Variants in TBC1D10A observed in about 807,000 individuals in gnomAD.
TBC1D10A encodes the protein EBP50-PDX interactor of 64 kDa.
TBC1D10A carries 24 observed loss-of-function variants against 52.9 expected under a neutral mutation model. That is an observed-to-expected ratio of 0.45 (90% CI 0.33 to 0.64). TBC1D10A has a LOEUF of 0.64. Among genes scored for constraint, TBC1D10A ranks in the 30% least tolerant of loss-of-function variants. The pLI is 0.02. For missense variants in TBC1D10A, 602 were observed against 687.9 expected (o/e 0.88, Z 1.40); for synonymous variants, 278 against 282.9 (o/e 0.98, Z 0.17).
chr22:30,294,197 C>A, intron 6 of TBC1D10A, 87 bp from the exon 7 acceptor site: 1 of 1,477,112 alleles, frequency 6.8e-7, no homozygotes, highest in Non-Finnish European at 9.2e-7. Flanking sequence ...GCACCCAGCA[C>A]CCAGCAGGCT....
In TBC1D10A at chr22:30,292,652, G is replaced by C. The variant is rs955418134; in HGVS notation, c.1250C>G (p.Pro417Arg). Residue 417 changes from proline to arginine, a missense_variant, in exon 9 of 9, where the codon CCC (proline) becomes CGC (arginine). Pro to Arg is a moderately radical substitution (Grantham distance 103). Transcript: ENST00000215790. ...SPSIRLPLDA[P>R]LPGSKAKPKP... is the part of the protein sequence containing the mutation. ...GGGCTTGGCTTTGGAGCCAGGGAGG[G>C]GGGCATCTAGGGGCAGGCGGATGGA... 3 of 1,610,796 alleles carry C rather than the reference G, an allele frequency of 1.9e-6. No individual in the cohort carries two copies. Among genetic ancestry groups the C allele is most frequent in the Admixed American group, 1.7e-5 (1 of 59,788 alleles).
At chr22:30,323,106 T>C (rs1045628525) in intron 1 of TBC1D10A, among the ~76,000 whole-genome samples, 3 of 151,902 alleles carry the variant, frequency 2.0e-5, no homozygotes, top group African/African-American at 7.3e-5. Context: ...AGTTTCACCA[T>C]GTTGCCCAGG....
intron 2 of TBC1D10A, among the ~76,000 whole-genome samples, chr22:30,303,485 C>T (rs1472300651): frequency 6.6e-6 from 1 of 152,240 alleles, no homozygotes; most frequent in Admixed American, 6.5e-5. Context: ...AGGATTATCA[C>T]TCCCATTTGG....
chr22:30,325,648 G>A (rs992959821), intron 1 of TBC1D10A, among the ~76,000 whole-genome samples: 3 of 152,110 alleles, frequency 2.0e-5, no homozygotes, highest in South Asian at 2.1e-4. Context: ...GCCTGGGCTC[G>A]GGGGATTCTG....
chr22:30,299,759 G>A, intron 2 of TBC1D10A: 23 of 442,324 alleles, frequency 5.2e-5, no homozygotes, highest in South Asian at 4.7e-4. Flanking sequence ...CTGAGTTCAG[G>A]AGTTTGAGAC....
intron 1 of TBC1D10A, among the ~76,000 whole-genome samples, chr22:30,320,426 G>C (rs967721484): frequency 1.3e-5 from 2 of 152,130 alleles, no homozygotes; most frequent in Non-Finnish European, 2.9e-5. Flanking sequence ...GGGACTTAGG[G>C]ACAGTAAGCA....
At chr22:30,322,120 T>C (rs1208122752) in intron 1 of TBC1D10A, among the ~76,000 whole-genome samples, 1 of 151,990 alleles carries the variant, frequency 6.6e-6, no homozygotes, top group Non-Finnish European at 1.5e-5. Flanking sequence ...GCTGGGATTA[T>C]GGGCGTGAGC....
rs751495658 is a variant in TBC1D10A, at chr22:30,293,937, G to A, written c.879C>T (p.Asp293=). The change falls in exon 7 of 9, where the codon GAC becomes GAT. Residue 293 remains aspartate, a synonymous_variant. Transcript: ENST00000215790. The part of the protein sequence containing the change: ...LPWSSVLRVW[D]MFFCEGVKII... ...GCCCAGTACCTTCACAGAAGAACATGTCCCAGACACGCAGCACAGAGCTCC... is the reference window on the plus strand; with the variant it reads ...GCCCAGTACCTTCACAGAAGAACATATCCCAGACACGCAGCACAGAGCTCC... The A allele has an allele frequency of 5.6e-6, 9 of 1,613,682 alleles. No homozygotes were observed. The highest frequency in any genetic ancestry group is 1.6e-4 in the Middle Eastern group (1 of 6,082).
chr22:30,292,694 G>T lies in TBC1D10A; in HGVS notation c.1208C>A (p.Ala403Asp). The change falls in exon 9 of 9, where the codon GCC becomes GAC. Residue 403 changes from alanine to aspartate, a missense_variant. This residue lies in a region of TBC1D10A where 265 missense variants were observed against 275.1 expected (regional missense o/e 0.96). Coordinates refer to ENST00000215790, the MANE Select transcript of TBC1D10A (RefSeq NM_031937.3). Reference sequence around the variant, plus strand: ...GCGGATGGATGGTGAAGGTTGTAGGGCAGGCCGGGGACCAGGTTCTGCATC... The same window carrying T: ...GCGGATGGATGGTGAAGGTTGTAGGTCAGGCCGGGGACCAGGTTCTGCATC... ...ILDAEPGPRPALQPSPSIRLP... is the reference protein window; with the variant it reads ...ILDAEPGPRPDLQPSPSIRLP... The T allele has an allele frequency of 6.2e-7, 1 of 1,608,356 alleles. No individual in the cohort carries two copies.
At chr22:30,319,673 T>G (rs1244343135) in intron 1 of TBC1D10A, among the ~76,000 whole-genome samples, 1 of 151,972 alleles carries the variant, frequency 6.6e-6, no homozygotes, top group Non-Finnish European at 1.5e-5. Context: ...AAATCCTAGG[T>G]GGGGGCTTCT....
rs780999777 is a variant in TBC1D10A at position 30,304,606 on chromosome 22, C to A, written c.234G>T (p.Val78=). 6.2e-7 allele frequency: 1 copy of A among 1,613,948 alleles called. No individual in the cohort carries two copies. Among genetic ancestry groups the A allele is most frequent in the African/African-American group, 1.3e-5 (1 of 74,932 alleles). The change falls in exon 2 of 9, where the codon GTG becomes GTT. Residue 78 remains valine, a synonymous_variant. Coordinates refer to ENST00000215790, the MANE Select transcript of TBC1D10A (RefSeq NM_031937.3). The part of the protein sequence containing the change: ...EGALEEVPLE[V]LRQRESKWLD... ...GCCACTTGGACTCCCTCTGCCTCAG[C>A]ACCTCCAGGGGTACTTCCTCCAGCC...
In TBC1D10A at chr22:30,294,929, G is replaced by T. The variant is rs751045505; in HGVS notation, c.639+12C>A. 7 of 1,614,024 alleles carry T rather than the reference G, an allele frequency of 4.3e-6. No homozygotes were observed. Among genetic ancestry groups the T allele is most frequent in the Non-Finnish European group, 5.9e-6 (7 of 1,180,018 alleles). The stretch of plus-strand genomic sequence containing the variant: ...CCACCCACCCCCCTGCCTGCCCGGG[G>T]CCTGGTGGTACCTCAGCAGGCATAT... On this transcript the variant is annotated intron_variant, in intron 5 of 8. Coordinates refer to ENST00000215790, the MANE Select transcript of TBC1D10A (RefSeq NM_031937.3).
At chr22:30,317,003 C>T (rs1376081757) in intron 1 of TBC1D10A, among the ~76,000 whole-genome samples, 2 of 152,022 alleles carry the variant, frequency 1.3e-5, no homozygotes, top group East Asian at 1.9e-4. Flanking sequence ...TGCACCACTG[C>T]ATTCCAGCCT....
At chr22:30,293,480 C>T (rs547386427) in intron 8 of TBC1D10A, 171 bp downstream of exon 8, 2 of 1,008,708 alleles carry the variant, frequency 2.0e-6, no homozygotes, top group East Asian at 5.1e-5. Context: ...CTCTGTGCCC[C>T]ATGCTCTTCA....
chr22:30,301,863 T>C (rs375577716), intron 2 of TBC1D10A, among the ~76,000 whole-genome samples: 1 of 152,302 alleles, frequency 6.6e-6, no homozygotes, highest in African/African-American at 2.4e-5. Context: ...GGAAGGGGGC[T>C]GAAGGGAACT....
chr22:30,315,121 GC>G (rs958418393), intron 1 of TBC1D10A, among the ~76,000 whole-genome samples: 9 of 152,210 alleles, frequency 5.9e-5, no homozygotes, highest in African/African-American at 2.2e-4. Context: ...GCCCTGGCAG[GC>G]CAGGAAGCTC....
intron 1 of TBC1D10A, among the ~76,000 whole-genome samples, chr22:30,321,798 C>A (rs1340562517): frequency 6.6e-6 from 1 of 152,148 alleles, no homozygotes; most frequent in East Asian, 1.9e-4. Flanking sequence ...GGTCACCTCC[C>A]TCGGGCCAGG....
intron 1 of TBC1D10A, among the ~76,000 whole-genome samples, chr22:30,313,407 G>A (rs1013913317): frequency 6.8e-6 from 1 of 146,794 alleles, no homozygotes; most frequent in East Asian, 2.1e-4. Flanking sequence ...GTTTTGAGAC[G>A]GAGTCTTGCT....
intron 4 of TBC1D10A, among the ~76,000 whole-genome samples, 178 bp downstream of exon 4, chr22:30,295,559 C>T (rs552859968): frequency 1.3e-5 from 2 of 152,300 alleles, no homozygotes; most frequent in South Asian, 4.1e-4. Context: ...GAAAGCCCCC[C>T]CAGAGGTAAG....
Sources: allele counts gnomAD v4.1 joint callset (sites outside exome capture counted in the v4.1 genomes callset), GRCh38; gene constraint gnomAD v4.1.1; regional missense constraint gnomAD v4.1.1; transcripts MANE v1.5; gene names NCBI Gene and HGNC (gene_info 2026-07-23, HGNC 2026-07-21).